CBLB: variants seen among roughly 807,000 people sequenced by gnomAD.
CBLB encodes E3 ubiquitin-protein ligase CBL-B.
In CBLB, 31 loss-of-function variants were observed where a neutral mutation model predicts 104.9. The observed-to-expected ratio is 0.30, with a 90% CI of 0.22 to 0.40. CBLB has a LOEUF of 0.40. Ranked by LOEUF, CBLB falls within the 10% of genes least tolerant of loss-of-function variation. CBLB has a pLI of 1.00. For missense variants in CBLB, 1,062 were observed against 1,214.6 expected, an observed-to-expected ratio of 0.87 and a Z score of 1.87; for synonymous variants, 440 against 422.6, an observed-to-expected ratio of 1.04 and a Z score of -0.51.
intron 3 of CBLB, among the ~76,000 whole-genome samples, chr3:105,800,183 C>A (rs1474549027): frequency 6.6e-6 from 1 of 152,094 alleles, no homozygotes; most frequent in Non-Finnish European, 1.5e-5. Context: ...TCAAACCTAC[C>A]TGTATGTTAC....
chr3:105,812,581 T>A (rs953258398), intron 3 of CBLB, among the ~76,000 whole-genome samples: 1 of 152,062 alleles, frequency 6.6e-6, no homozygotes, highest in African/African-American at 2.4e-5. Context: ...AGGGCAAAAG[T>A]TTTGTTTTAA....
In CBLB at chr3:105,765,173, T is replaced by G. The variant is rs536142311; in HGVS notation, c.566+11223A>C. Reference sequence around the variant, plus strand: ...ATAATTAATGTAGATGAAACAGCCTTAAGATGAAAGAAAATGCTATCTAGA... The same window carrying G: ...ATAATTAATGTAGATGAAACAGCCTGAAGATGAAAGAAAATGCTATCTAGA... On this transcript the variant is annotated intron_variant, in intron 4 of 18. Transcript: ENST00000394030. Among the ~76,000 whole-genome samples the G allele has an allele frequency of 9.5e-4, 144 of 152,286 alleles. 1 individual carries two copies. The highest frequency in any genetic ancestry group is 3.4e-3 in the African/African-American group (143 of 41,570).
chr3:105,811,732 G>A (rs996459018), intron 3 of CBLB, among the ~76,000 whole-genome samples: 4 of 150,324 alleles, frequency 2.7e-5, no homozygotes, highest in Non-Finnish European at 5.9e-5. Flanking sequence ...TTTTTGAGAC[G>A]GAGTTTCACT....
At chr3:105,818,622 A>G (rs1233458184) in intron 3 of CBLB, among the ~76,000 whole-genome samples, 1 of 152,176 alleles carries the variant, frequency 6.6e-6, no homozygotes, top group African/African-American at 2.4e-5. Flanking sequence ...TATAGTAAGT[A>G]TATTATAATG....
At chr3:105,735,162 G>T (rs1384599925) in intron 8 of CBLB, among the ~76,000 whole-genome samples, 1 of 152,060 alleles carries the variant, frequency 6.6e-6, no homozygotes, top group African/African-American at 2.4e-5. Context: ...TATAATCCTG[G>T]TGAGAAAAAT....
chr3:105,826,093 A>C (rs569765473), intron 3 of CBLB, among the ~76,000 whole-genome samples: 2 of 134,058 alleles, frequency 1.5e-5, no homozygotes, highest in African/African-American at 5.8e-5. Context: ...CCAGCATGAC[A>C]CGGCTCCAGC....
chr3:105,833,137 A>C (rs1256830663), intron 3 of CBLB, among the ~76,000 whole-genome samples: 2 of 152,172 alleles, frequency 1.3e-5, no homozygotes, highest in Admixed American at 1.3e-4. Context: ...GATGATGAAG[A>C]AATATGAATG....
At chr3:105,694,683 G>A (rs1409614993) in intron 12 of CBLB, among the ~76,000 whole-genome samples, 2 of 151,796 alleles carry the variant, frequency 1.3e-5, no homozygotes, top group African/African-American at 2.4e-5. Flanking sequence ...ATGTATCAAC[G>A]TTCGTATTTC....
chr3:105,682,735 G>A (rs1200260167), intron 14 of CBLB, among the ~76,000 whole-genome samples: 3 of 151,904 alleles, frequency 2.0e-5, no homozygotes, highest in East Asian at 1.9e-4. Context: ...ACTCCTGGCC[G>A]CAAGTGATCT....
chr3:105,846,911 T>C lies in CBLB; in HGVS notation c.419+6503A>G, dbSNP rs114268936. Among the ~76,000 whole-genome samples the C allele has an allele frequency of 7.0e-3, 1,058 of 152,198 alleles. 11 individuals are homozygous for C. Among genetic ancestry groups the C allele is most frequent in the African/African-American group, 0.024 (1,016 of 41,544 alleles). ...GAAAACCTGTGAGGACTTGCAAAAC[T>C]ATTTCAATGACCATGCTATCAACAT... is the stretch of plus-strand genomic sequence containing the variant. On this transcript the variant is annotated intron_variant, in intron 3 of 18. Coordinates refer to ENST00000394030, the MANE Select transcript of CBLB (RefSeq NM_170662.5).
chr3:105,664,945 C>T (rs1348935701), intron 18 of CBLB, among the ~76,000 whole-genome samples: 1 of 152,074 alleles, frequency 6.6e-6, no homozygotes, highest in Non-Finnish European at 1.5e-5. Context: ...TTTTTTCTAA[C>T]TTAATTCTGG....
Position 105,670,240 on chromosome 3 carries a change from T to C in CBLB, c.2682A>G (p.Ser894=), listed in dbSNP as rs114781701. Reference sequence around the variant, plus strand: ...TGTTACTAGCCAACTCACCTGAACATGAAGGAAGCTGATCATAGTCCTGTG... The same window carrying C: ...TGTTACTAGCCAACTCACCTGAACACGAAGGAAGCTGATCATAGTCCTGTG... ...RTSQDYDQLP[S]CSDGSQAPAR... The change falls in exon 18 of 19, where the codon TCA becomes TCG. Residue 894 remains serine (S), a synonymous_variant. Coordinates refer to ENST00000394030, the MANE Select transcript of CBLB (RefSeq NM_170662.5). 1.2e-3 allele frequency: 1,883 copies of C among 1,613,230 alleles called. 22 individuals carry two copies. The African/African-American group carries it at 0.021, about 18-fold the overall frequency.
At chr3:105,859,152 G>A (rs1388050702) in intron 2 of CBLB, among the ~76,000 whole-genome samples, 1 of 152,154 alleles carries the variant, frequency 6.6e-6, no homozygotes, top group East Asian at 1.9e-4. Flanking sequence ...AGATCAGATA[G>A]TACATTCCTT....
chr3:105,690,216 G>C (rs578172702), intron 13 of CBLB, among the ~76,000 whole-genome samples: 1 of 152,156 alleles, frequency 6.6e-6, no homozygotes, highest in African/African-American at 2.4e-5. Flanking sequence ...GTGTATGTTT[G>C]GTAGGAATGC....
chr3:105,741,827 A>T (rs1489061027), intron 6 of CBLB, among the ~76,000 whole-genome samples: 1 of 152,194 alleles, frequency 6.6e-6, no homozygotes, highest in East Asian at 1.9e-4. Context: ...CCAACTGTTA[A>T]AAAAATAGTA....
intron 3 of CBLB, among the ~76,000 whole-genome samples, chr3:105,834,138 G>C (rs548087972): frequency 6.6e-6 from 1 of 151,286 alleles, no homozygotes; most frequent in Non-Finnish European, 1.5e-5. Context: ...CAAAGGATAC[G>C]AAATTTCAGT....
At chr3:105,692,191 T>G (rs927508151) in intron 13 of CBLB, among the ~76,000 whole-genome samples, 2 of 152,172 alleles carry the variant, frequency 1.3e-5, no homozygotes, top group Admixed American at 6.6e-5. Context: ...AAAATTTAAA[T>G]CAATAAACCA....
intron 16 of CBLB, among the ~76,000 whole-genome samples, chr3:105,680,190 A>G (rs1036438822): frequency 6.6e-6 from 1 of 152,232 alleles, no homozygotes; most frequent in East Asian, 1.9e-4. Context: ...AAGTCCTGGG[A>G]TATCAGAAGG....
chr3:105,795,617 C>T (rs1259708660), intron 3 of CBLB, among the ~76,000 whole-genome samples: 2 of 152,192 alleles, frequency 1.3e-5, no homozygotes, highest in Non-Finnish European at 2.9e-5. Flanking sequence ...TCTGTCAAAA[C>T]TTGTCGCCCA....
Sources: gnomAD v4.1 joint callset for allele counts (sites outside exome capture counted in the v4.1 genomes callset) on GRCh38, gnomAD v4.1.1 for gene constraint, MANE v1.5 for transcripts, NCBI Gene and HGNC (gene_info 2026-07-23, HGNC 2026-07-21) for gene names.